The following ATP8B4 variants were observed in gnomAD, a reference collection of about 807,000 sequenced individuals.
ATP8B4 encodes the protein ATPase phospholipid transporting 8B4 (putative).
A neutral mutation model predicts 145.6 loss-of-function variants in ATP8B4; 133 were observed. The observed-to-expected ratio is 0.91, with a 90% CI of 0.79 to 1.05. ATP8B4 has a LOEUF of 1.05. ATP8B4 is among the 50% of genes least tolerant of loss of function. The pLI is 0.00. For missense variants in ATP8B4, 1,458 were observed against 1,425.2 expected (o/e 1.02, Z -0.37); for synonymous variants, 507 against 492.9 (o/e 1.03, Z -0.38).
Position 49,858,404 on chromosome 15 carries a change from A to T in ATP8B4, c.*1790T>A, listed in dbSNP as rs1380158047. ...AAGACAACGTCCATAGGCAGTTACT[A>T]TGGTAAAGGACTGCATTTGACTCTT... On this transcript the variant is annotated 3_prime_UTR_variant, in exon 28 of 28. Coordinates refer to ENST00000284509, the MANE Select transcript of ATP8B4 (RefSeq NM_024837.4). 3 of 152,222 alleles carry T rather than the reference A, an allele frequency of 2.0e-5. No homozygotes were observed. Among genetic ancestry groups the T allele is most frequent in the Non-Finnish European group, 4.4e-5 (3 of 68,028 alleles). 9.4% of individuals were successfully genotyped at this position (152,222 alleles called of 1,614,324 possible).
At position 49,979,987 on chromosome 15, in the gene ATP8B4, A is replaced by G. The variant is rs112162378; in HGVS notation, c.838-174T>C. 9.8e-5 allele frequency among the ~76,000 whole-genome samples: 15 copies of G among 152,332 alleles called. 1 individual carries two copies. The highest frequency in any genetic ancestry group is 3.4e-4 in the African/African-American group (14 of 41,580). ...TCAGGAACTCAGCTAAATATTTTAC[A>G]TACATTTTCTCACTGAATTTGCCCA... On this transcript the variant is annotated intron_variant, in intron 11 of 27. Transcript: ENST00000284509.
intron 1 of ATP8B4, among the ~76,000 whole-genome samples, chr15:50,174,048 G>C (rs905216793): frequency 6.6e-6 from 1 of 152,142 alleles, no homozygotes; most frequent in African/African-American, 2.4e-5. Flanking sequence ...AAAATCACAT[G>C]ATCATCTCAA....
intron 26 of ATP8B4, among the ~76,000 whole-genome samples, chr15:49,865,367 C>T (rs751891637): frequency 6.6e-6 from 1 of 152,168 alleles, no homozygotes; most frequent in Non-Finnish European, 1.5e-5. Flanking sequence ...TTGTAATATC[C>T]TTTATAGTAA....
rs1446054300 is a variant in ATP8B4, at chr15:49,948,597, C to A, written c.1287+13380G>T. Among the ~76,000 whole-genome samples, 3 of 152,140 alleles carry A rather than the reference C, an allele frequency of 2.0e-5. 1 individual carries two copies. Among genetic ancestry groups the A allele is most frequent in the Admixed American group, 2.0e-4 (3 of 15,272 alleles). ...ATATGTTTGTTAGCCATGTAAATGTCTTCTTTTGAGAAGTGTCTGTTCATA... is the reference window on the plus strand; with the variant it reads ...ATATGTTTGTTAGCCATGTAAATGTATTCTTTTGAGAAGTGTCTGTTCATA... On this transcript the variant is annotated intron_variant, in intron 14 of 27. Transcript: ENST00000284509.
chr15:49,908,573 G>A (rs2038878785), intron 20 of ATP8B4, among the ~76,000 whole-genome samples: 1 of 152,094 alleles, frequency 6.6e-6, no homozygotes, highest in African/African-American at 2.4e-5. Context: ...TTAACATAGG[G>A]AGCTGCCTGA....
In ATP8B4 at chr15:50,160,629, A is replaced by C. The variant is rs545656683; in HGVS notation, c.-43+21632T>G. Among the ~76,000 whole-genome samples the C allele has an allele frequency of 6.0e-5, 9 of 149,932 alleles. 1 individual carries two copies. Among genetic ancestry groups the C allele is most frequent in the African/African-American group, 2.2e-4 (9 of 40,846 alleles). On this transcript the variant is annotated intron_variant, in intron 1 of 3. Transcript: ENST00000558829. ...CAATTTCCTTCTTATTTTTTCATTG[A>C]GTCACTGGTCATTCAGGAGCATATA...
At chr15:49,969,873 A>G (rs1043739956) in intron 13 of ATP8B4, among the ~76,000 whole-genome samples, 1 of 152,250 alleles carries the variant, frequency 6.6e-6, no homozygotes, top group Admixed American at 6.5e-5. Flanking sequence ...AAAATCCTCA[A>G]TAAAATACTG....
intron 2 of ATP8B4, among the ~76,000 whole-genome samples, chr15:50,101,175 T>C (rs1206662230): frequency 6.6e-6 from 1 of 152,176 alleles, no homozygotes; most frequent in Non-Finnish European, 1.5e-5. Context: ...TACTGGGGAC[T>C]ACTGAGGAAA....
intron 6 of ATP8B4, among the ~76,000 whole-genome samples, chr15:50,020,338 C>T (rs187727317): frequency 4.0e-5 from 6 of 150,510 alleles, no homozygotes; most frequent in Non-Finnish European, 7.4e-5. Flanking sequence ...GGCACAGTCT[C>T]GGCTCACTGC....
At chr15:50,000,950 T>C (rs2047839000) in intron 8 of ATP8B4, among the ~76,000 whole-genome samples, 1 of 152,116 alleles carries the variant, frequency 6.6e-6, no homozygotes, top group Admixed American at 6.6e-5. Flanking sequence ...TTGTCAAATT[T>C]ATGTGTGCAC....
intron 6 of ATP8B4, among the ~76,000 whole-genome samples, chr15:50,033,889 G>T (rs1229948604): frequency 1.3e-5 from 2 of 152,122 alleles, no homozygotes; most frequent in African/African-American, 4.8e-5. Flanking sequence ...CAGAGAACAT[G>T]ATTTTGTTCC....
intron 26 of ATP8B4, among the ~76,000 whole-genome samples, chr15:49,865,542 G>A (rs1356791452): frequency 6.6e-6 from 1 of 152,170 alleles, no homozygotes; most frequent in African/African-American, 2.4e-5. Flanking sequence ...CAGTCATGCG[G>A]AACTTAGCCC....
At chr15:50,130,148 C>T (rs2057336254) in intron 1 of ATP8B4, among the ~76,000 whole-genome samples, 1 of 152,130 alleles carries the variant, frequency 6.6e-6, no homozygotes, top group Non-Finnish European at 1.5e-5. Context: ...GTTTACCTGG[C>T]TAAATTTTCC....
intron 6 of ATP8B4, among the ~76,000 whole-genome samples, chr15:50,029,125 C>T (rs950828558): frequency 1.3e-5 from 2 of 148,904 alleles, no homozygotes; most frequent in African/African-American, 5.0e-5. Context: ...CCCAGCTACT[C>T]GGGAGGCCGA....
chr15:50,161,063 G>A (rs1366643597), intron 1 of ATP8B4, among the ~76,000 whole-genome samples: 2 of 152,024 alleles, frequency 1.3e-5, no homozygotes, highest in African/African-American at 4.8e-5. Flanking sequence ...AGTGGTGGGT[G>A]CATATATACT....
At chr15:50,084,363 G>C (rs2054757079) in intron 2 of ATP8B4, among the ~76,000 whole-genome samples, 1 of 152,124 alleles carries the variant, frequency 6.6e-6, no homozygotes, top group Non-Finnish European at 1.5e-5. Context: ...AGGGGGCCAG[G>C]ATTTGAGGCA....
chr15:50,003,270 GTGCA>G (rs1479014343), intron 7 of ATP8B4, among the ~76,000 whole-genome samples: 2 of 140,812 alleles, frequency 1.4e-5, no homozygotes, highest in African/African-American at 5.5e-5. Flanking sequence ...AAAATAGGGT[GTGCA>G]TGTGTGTGTG....
chr15:49,988,081 C>A lies in ATP8B4; in HGVS notation c.590-532G>T, dbSNP rs546841925. ...TGTTTGCCACATGAGTCTGAGAATG[C>A]GTGTGATTCCTTTCAGCTGTTCTAT... On this transcript the variant is annotated intron_variant, in intron 9 of 27. Transcript: ENST00000284509. Among the ~76,000 whole-genome samples, 7 of 152,264 alleles carry A rather than the reference C, an allele frequency of 4.6e-5. No individual in the cohort carries two copies. The South Asian group carries it at 6.2e-4, about 14-fold the overall frequency.
chr15:50,109,763 G>T (rs1439637574), intron 1 of ATP8B4, among the ~76,000 whole-genome samples: 3 of 151,990 alleles, frequency 2.0e-5, no homozygotes, highest in Admixed American at 1.3e-4. Flanking sequence ...TGTCCTTATT[G>T]GATGCTAGAT....
Sources: gnomAD v4.1 joint callset for allele counts (sites outside exome capture counted in the v4.1 genomes callset) on GRCh38, gnomAD v4.1.1 for gene constraint, MANE v1.5 for transcripts, NCBI Gene and HGNC (gene_info 2026-07-23, HGNC 2026-07-21) for gene names.